The following NACC2 variants were observed in gnomAD, a reference collection of about 807,000 sequenced individuals.
NACC2 encodes the protein nucleus accumbens-associated protein 2.
In NACC2, 8 loss-of-function variants were observed where a neutral mutation model predicts 25.1. The observed-to-expected ratio is 0.32, with a 90% CI of 0.19 to 0.57. The LOEUF (loss-of-function observed/expected upper bound fraction) is 0.57. Ranked by LOEUF, NACC2 falls within the 20% of genes least tolerant of loss-of-function variation. The pLI, the probability that NACC2 is intolerant of heterozygous loss-of-function variation, is 0.89. For synonymous variants in NACC2, 435 were observed against 294.7 expected (o/e 1.48, Z -4.88); for missense variants, 644 against 650.2 (o/e 0.99, Z 0.10).
rs753477800 is a variant in NACC2 at position 136,013,118 on chromosome 9, C to G, written c.1255+81G>C. 7.8e-7 allele frequency: 1 copy of G among 1,278,586 alleles called. No individual in the cohort carries two copies. The highest frequency in any genetic ancestry group is 1.1e-6 in the Non-Finnish European group (1 of 905,012). The allele number at this position is 1,278,586 out of a possible 1,614,324, so 79.2% of individuals were successfully genotyped here. On this transcript the variant is annotated intron_variant, in intron 5 of 5. Coordinates refer to ENST00000277554, the MANE Select transcript of NACC2 (RefSeq NM_144653.5). This position sits in a 1 kb window ranked among gnomAD's most constrained non-coding sequence, Gnocchi z 6.6. ...AGCTGCAGGTGGCCGGGAGCACCCCCGCGGCCCACCCAGTCCTCCTCAGGC... is the reference window on the plus strand; with the variant it reads ...AGCTGCAGGTGGCCGGGAGCACCCCGGCGGCCCACCCAGTCCTCCTCAGGC...
rs1788986117 is a variant in NACC2, at chr9:136,020,240, C to A, written c.887-3811G>T. ...GGGGCCATGCAGGTCTGGAGGGAAA[C>A]CGGGTCTCATTGGCCTCACCCTGAC... On this transcript the variant is annotated intron_variant, in intron 2 of 5. Transcript: ENST00000277554. This position sits in a 1 kb window ranked among gnomAD's most constrained non-coding sequence, Gnocchi z 4.7. 6.6e-6 allele frequency among the ~76,000 whole-genome samples: 1 copy of A among 152,174 alleles called. No homozygotes were observed. The highest frequency in any genetic ancestry group is 6.5e-5 in the Admixed American group (1 of 15,286).
intron 2 of NACC2, among the ~76,000 whole-genome samples, chr9:136,046,822 G>A (rs1840732506): frequency 6.6e-6 from 1 of 152,222 alleles, no homozygotes; most frequent in African/African-American, 2.4e-5. Flanking sequence ...TTGCCGTGAG[G>A]CCACACAGAC....
In NACC2 at chr9:136,018,448, G is replaced by A. The variant is rs1239677779; in HGVS notation, c.887-2019C>T. Among the ~76,000 whole-genome samples the A allele has an allele frequency of 6.6e-6, 1 of 152,058 alleles. No individual in the cohort carries two copies. Among genetic ancestry groups the A allele is most frequent in the East Asian group, 1.9e-4 (1 of 5,192 alleles). Reference sequence around the variant, plus strand: ...ATCCACAGCGGGCGCCCCACTGAAGGCAGCAGGTGTTCCACTCCTGAGAAC... The same window carrying A: ...ATCCACAGCGGGCGCCCCACTGAAGACAGCAGGTGTTCCACTCCTGAGAAC... On this transcript the variant is annotated intron_variant, in intron 2 of 5. Transcript: ENST00000277554. This position sits in a 1 kb window ranked among gnomAD's most constrained non-coding sequence, Gnocchi z 4.4.
intron 2 of NACC2, among the ~76,000 whole-genome samples, chr9:136,044,080 C>A (rs1019001656): frequency 7.9e-5 from 12 of 152,150 alleles, no homozygotes; most frequent in African/African-American, 2.9e-4. Flanking sequence ...CCACCTCAGC[C>A]TCCCAAAGTG....
chr9:136,051,136 C>T (rs1274547131), intron 1 of NACC2, among the ~76,000 whole-genome samples: 1 of 152,322 alleles, frequency 6.6e-6, no homozygotes, highest in African/African-American at 2.4e-5. Flanking sequence ...GAAGGCGGGC[C>T]AGCGTCCCCT....
intron 1 of NACC2, among the ~76,000 whole-genome samples, chr9:136,088,810 C>T (rs960714236): frequency 1.3e-5 from 2 of 152,168 alleles, no homozygotes; most frequent in African/African-American, 4.8e-5. Context: ...GCAGAAAGCA[C>T]AAGGGCTGGG....
chr9:136,080,891 C>T (rs991258063), intron 1 of NACC2, among the ~76,000 whole-genome samples: 13 of 152,296 alleles, frequency 8.5e-5, no homozygotes, highest in South Asian at 4.1e-4. Context: ...GCCGCCCCTG[C>T]GTGCTAGGGT....
At chr9:136,082,407 G>A (rs376848319) in intron 1 of NACC2, among the ~76,000 whole-genome samples, 60 of 152,308 alleles carry the variant, frequency 3.9e-4, no homozygotes, top group African/African-American at 1.4e-3. Context: ...TCCCCACCAT[G>A]CCTGTGAGAG....
chr9:136,084,543 C>T lies in NACC2; in HGVS notation c.-60+10646G>A, dbSNP rs546565639. ...CAAATCTGTCAAACTGGCCCAGACC[C>T]CGGAGTCAGGGTCACGAAGGCCATG... On this transcript the variant is annotated intron_variant, in intron 1 of 5. Transcript: ENST00000277554. The surrounding 1 kb of genome is among the most constrained non-coding windows in gnomAD (Gnocchi z 5.1). Among the ~76,000 whole-genome samples, 89 of 152,316 alleles carry T rather than the reference C, an allele frequency of 5.8e-4. 2 individuals carry two copies. Among genetic ancestry groups the T allele is most frequent in the Middle Eastern group, 3.4e-3 (1 of 294 alleles).
chr9:136,016,817 G>T (rs1315193291), intron 2 of NACC2, among the ~76,000 whole-genome samples: 1 of 152,204 alleles, frequency 6.6e-6, no homozygotes, highest in Non-Finnish European at 1.5e-5. Context: ...CCAAGGGAGA[G>T]TACGGCGCAA....
rs7847679 is a variant in NACC2, at chr9:136,048,824, G to T, written c.886+812C>A. On this transcript the variant is annotated intron_variant, in intron 2 of 5. Coordinates refer to ENST00000277554, the MANE Select transcript of NACC2 (RefSeq NM_144653.5). ...AGGGGGGCGTCCCATCAGGGCACAG[G>T]GATATGCGTGGTGGGGTGGAGAGAG... is the stretch of plus-strand genomic sequence containing the variant. Among the ~76,000 whole-genome samples, 150 of 152,276 alleles carry T rather than the reference G, an allele frequency of 9.9e-4. 2 individuals carry two copies. Among genetic ancestry groups the T allele is most frequent in the African/African-American group, 3.4e-3 (140 of 41,564 alleles).
At chr9:136,074,418 A>G in intron 1 of NACC2, among the ~76,000 whole-genome samples, 1 of 141,048 alleles carries the variant, frequency 7.1e-6, no homozygotes, top group African/African-American at 2.6e-5. Flanking sequence ...GTGCCACTGC[A>G]CTCCAGCCCG....
chr9:136,037,921 G>A (rs1472210873), intron 2 of NACC2, among the ~76,000 whole-genome samples: 2 of 152,124 alleles, frequency 1.3e-5, no homozygotes, highest in Non-Finnish European at 2.9e-5. Flanking sequence ...TGGCAGCTTA[G>A]TTCATAATTA....
At chr9:136,048,139 T>C (rs1840757072) in intron 2 of NACC2, among the ~76,000 whole-genome samples, 1 of 152,186 alleles carries the variant, frequency 6.6e-6, no homozygotes, top group Admixed American at 6.5e-5. Context: ...TCAGGGACTG[T>C]AGGGGTGCCC....
chr9:136,050,247 A>G lies in NACC2; in HGVS notation c.275T>C (p.Met92Thr), dbSNP rs1840800743. ...GACCACGAGCTGCTCGCTGGCCGTC[A>G]TGGTGAGCCTGCCCGTGTAGCAGAA... ...LSFCYTGRLT[M>T]TASEQLVVMY... Residue 92 changes from methionine (M) to threonine (T), a missense_variant, in exon 2 of 6, where the codon ATG becomes ACG. Met to Thr is a moderately conservative substitution (Grantham distance 81, BLOSUM62 -1). Coordinates refer to ENST00000277554, the MANE Select transcript of NACC2 (RefSeq NM_144653.5). 1 of 771,090 alleles carries G rather than the reference A, an allele frequency of 1.3e-6. No individual in the cohort carries two copies. Among genetic ancestry groups the G allele is most frequent in the Non-Finnish European group, 2.4e-6 (1 of 415,390 alleles). The allele number at this position is 771,090 out of a possible 1,614,324, so 47.8% of individuals were successfully genotyped here. A position where few individuals can be genotyped will look rare whatever the true frequency, so the allele number is the denominator to read the frequency against.
intron 1 of NACC2, among the ~76,000 whole-genome samples, chr9:136,060,589 G>A (rs1297064753): frequency 6.6e-6 from 1 of 152,242 alleles, no homozygotes; most frequent in East Asian, 1.9e-4. Flanking sequence ...TCAGTCCCTG[G>A]CCCGAGAAGG....
Position 136,011,173 on chromosome 9 carries a change from A to C in NACC2, c.*343T>G, listed in dbSNP as rs1840099810. 2 of 181,768 alleles carry C rather than the reference A, an allele frequency of 1.1e-5. No individual in the cohort carries two copies. The highest frequency in any genetic ancestry group is 3.9e-4 in the South Asian group (2 of 5,082). 11.3% of individuals were successfully genotyped at this position (181,768 alleles called of 1,614,324 possible). ...TCGTCTTCCGGGCAGGAGGAGCAGG[A>C]AGGGCAGGGAGGAAGGGGCAGGGCT... On this transcript the variant is annotated 3_prime_UTR_variant, in exon 6 of 6. Transcript: ENST00000277554.
At chr9:136,045,362 G>A (rs1015429615) in intron 2 of NACC2, among the ~76,000 whole-genome samples, 2 of 127,370 alleles carry the variant, frequency 1.6e-5, no homozygotes, top group Non-Finnish European at 3.7e-5. Context: ...ACCGTCACGG[G>A]CCCACGGGCC....
chr9:136,021,884 G>T (rs1257945627), intron 2 of NACC2, among the ~76,000 whole-genome samples: 1 of 152,228 alleles, frequency 6.6e-6, no homozygotes, highest in African/African-American at 2.4e-5. Flanking sequence ...ACATTGTCCA[G>T]GAAACTAAAC....
Sources: gnomAD v4.1 joint callset for allele counts (sites outside exome capture counted in the v4.1 genomes callset) on GRCh38, gnomAD v4.1.1 for gene constraint, Gnocchi (gnomAD v3.1) non-coding constraint, MANE v1.5 for transcripts, NCBI Gene and HGNC (gene_info 2026-07-23, HGNC 2026-07-21) for gene names.